The following WDR19 variants were observed in gnomAD, a reference collection of about 807,000 sequenced individuals.
WDR19 encodes the protein WD repeat domain 19, also known as WD repeat-containing protein 19.
A neutral mutation model predicts 180.0 loss-of-function variants in WDR19; 121 were observed. That is an observed-to-expected ratio of 0.67 (90% CI 0.58 to 0.78). WDR19 has a LOEUF of 0.78. WDR19 is among the 30% of genes least tolerant of loss of function. The pLI is 0.00. For synonymous variants in WDR19, 497 were observed against 540.7 expected (o/e 0.92, Z 1.12); for missense variants, 1,450 against 1,640.7 (o/e 0.88, Z 2.01).
chr4:39,200,228 A>G (rs1003426776), intron 6 of WDR19, among the ~76,000 whole-genome samples: 1 of 152,260 alleles, frequency 6.6e-6, no homozygotes, highest in Non-Finnish European at 1.5e-5. Flanking sequence ...GCACTGTGCT[A>G]TATACTATAG....
chr4:39,277,995 A>G (rs1408751232), intron 34 of WDR19, 136 bp from the exon 35 acceptor site: 3 of 699,750 alleles, frequency 4.3e-6, no homozygotes, highest in Non-Finnish European at 4.9e-6. Flanking sequence ...TGGAGGTTGC[A>G]GACAGCCAAC....
At chr4:39,215,246 C>A (rs1728945022) in intron 10 of WDR19, among the ~76,000 whole-genome samples, 1 of 152,000 alleles carries the variant, frequency 6.6e-6, no homozygotes, top group Admixed American at 6.6e-5. Context: ...CAGTCATGAC[C>A]CACATAATGA....
chr4:39,196,878 A>G (rs1436506510), intron 5 of WDR19, among the ~76,000 whole-genome samples: 1 of 152,244 alleles, frequency 6.6e-6, no homozygotes, highest in African/African-American at 2.4e-5. Flanking sequence ...CACACTAGGC[A>G]AACTCCTGCC....
Position 39,280,141 on chromosome 4 carries a change from T to TTTTTTTTTTTTTTTTTTTA in WDR19, c.*13+1478_*13+1479insTTTTTTTTTTTTTTTTTTA, listed in dbSNP as rs368949539. ...CTTGTTTTTTTTTTTTTTTTTTTTT[T>TTTTTTTTTTTTTTTTTTTA]AATAGAGGCAGGGTCTCGCCACATT... On this transcript the variant is annotated intron_variant, in intron 36 of 36. Coordinates refer to ENST00000399820, the MANE Select transcript of WDR19 (RefSeq NM_025132.4). 3.4e-5 allele frequency among the ~76,000 whole-genome samples: 3 copies of TTTTTTTTTTTTTTTTTTTA among 88,392 alleles called. 1 individual carries two copies. Among genetic ancestry groups the TTTTTTTTTTTTTTTTTTTA allele is most frequent in the Non-Finnish European group, 6.5e-5 (3 of 45,884 alleles). 58.0% of individuals were successfully genotyped at this position (88,392 alleles called of 152,430 possible). A position where few individuals can be genotyped will look rare whatever the true frequency, so the allele number is the denominator to read the frequency against.
Position 39,218,014 on chromosome 4 carries a change from A to G in WDR19, c.1388A>G (p.Glu463Gly), listed in dbSNP as rs777393995. The part of the protein sequence containing the change: ...IESEILDAQE[E>G]RETRLFPAVD... Reference sequence around the variant, plus strand: ...AGCGAAATCTTGGATGCTCAAGAAGAACGTGAGACTCGGCTTTTCCCAGCA... The same window carrying G: ...AGCGAAATCTTGGATGCTCAAGAAGGACGTGAGACTCGGCTTTTCCCAGCA... Residue 463 changes from glutamate to glycine, a missense_variant, in exon 14 of 37, where the codon GAA becomes GGA. Glu to Gly is a moderately conservative substitution (Grantham distance 98). Transcript: ENST00000399820. 6.8e-6 allele frequency: 11 copies of G among 1,613,830 alleles called. No homozygotes were observed. The highest frequency in any genetic ancestry group is 1.6e-4 in the Middle Eastern group (1 of 6,084).
At chr4:39,278,770 T>C in intron 36 of WDR19, 107 bp downstream of exon 36, 1 of 549,544 alleles carries the variant, frequency 1.8e-6, no homozygotes, top group Non-Finnish European at 3.2e-6. Context: ...CCATGGAACT[T>C]GCCAGATTTG....
At chr4:39,217,078 G>A (rs1391657329) in intron 12 of WDR19, 56 bp from the exon 13 acceptor site, 4 of 1,206,720 alleles carry the variant, frequency 3.3e-6, no homozygotes, top group Non-Finnish European at 4.7e-6. Context: ...TTTGCAAGTA[G>A]GTATGAGATA....
intron 15 of WDR19, among the ~76,000 whole-genome samples, chr4:39,227,578 A>T (rs182595468): frequency 6.6e-6 from 1 of 152,304 alleles, no homozygotes; most frequent in East Asian, 1.9e-4. Flanking sequence ...ATTATAAGTA[A>T]TCTAGAGATG....
chr4:39,194,851 G>A, intron 5 of WDR19, 192 bp downstream of exon 5: 1 of 552,910 alleles, frequency 1.8e-6, no homozygotes, highest in Non-Finnish European at 3.2e-6. Flanking sequence ...ACTTGCCAGG[G>A]TACATAGAAT....
intron 14 of WDR19, among the ~76,000 whole-genome samples, chr4:39,221,893 T>C (rs887101021): frequency 1.3e-5 from 2 of 152,228 alleles, no homozygotes; most frequent in Non-Finnish European, 2.9e-5. Flanking sequence ...AGTATGTATA[T>C]ATCATAATTT....
chr4:39,269,020 T>TGGAGGTTGCTGGGAGCC (rs1196028257), intron 30 of WDR19, among the ~76,000 whole-genome samples: 29 of 149,588 alleles, frequency 1.9e-4, no homozygotes, highest in African/African-American at 6.4e-4. Flanking sequence ...ACGAGGGGAG[T>TGGAGGTTGCTGGGAGCC]GGAGGTTGCT....
At chr4:39,215,509 G>A (rs1341119624) in intron 10 of WDR19, among the ~76,000 whole-genome samples, 2 of 152,124 alleles carry the variant, frequency 1.3e-5, no homozygotes, top group African/African-American at 2.4e-5. Flanking sequence ...GCCTAGGTAC[G>A]TAGTAGGCTA....
intron 9 of WDR19, chr4:39,205,962 C>CT: frequency 2.3e-6 from 1 of 436,154 alleles, no homozygotes; most frequent in Admixed American, 3.8e-5. Flanking sequence ...ATGGAGTAAG[C>CT]ACACTCCACC....
Position 39,215,946 on chromosome 4 carries a change from C to T in WDR19, c.1067C>T (p.Ala356Val). ...FLTKLPILGD[A>V]CSTRIAYLTS... ...ACCAAGCTTCCCATACTTGGGGATG[C>T]CTGCAGCACAAGGATTGCCTATCTC... The change falls in exon 11 of 37, where the codon GCC becomes GTC. Residue 356 changes from alanine (A) to valine (V), a missense_variant. Physicochemically the swap from Ala to Val is moderately conservative, Grantham distance 64. Transcript: ENST00000399820. 6.2e-7 allele frequency: 1 copy of T among 1,613,522 alleles called. No homozygotes were observed.
At chr4:39,284,409 G>A (rs115227673) in intron 36 of WDR19, among the ~76,000 whole-genome samples, 1,594 of 134,022 alleles carry the variant, frequency 0.012, 15 homozygotes, top group Middle Eastern at 0.024. Flanking sequence ...CACAATCATC[G>A]TTCACTGCAG....
At chr4:39,216,259 T>C in intron 12 of WDR19, 49 bp downstream of exon 12, 2 of 1,447,852 alleles carry the variant, frequency 1.4e-6, no homozygotes, top group Non-Finnish European at 1.8e-6. Context: ...TAATTTCTGT[T>C]CTTATTTGGG....
In WDR19 at chr4:39,281,945, C is replaced by T. The variant is rs1287182335; in HGVS notation, c.*13+3282C>T. 3.3e-5 allele frequency among the ~76,000 whole-genome samples: 5 copies of T among 152,144 alleles called. No individual in the cohort carries two copies. The East Asian group carries it at 9.6e-4, about 29-fold the overall frequency. Reference sequence around the variant, plus strand: ...AGGCAGTTTCCTGACACGTGACCCTCCCCACAACATGAAACTGCTTCAAGT... The same window carrying T: ...AGGCAGTTTCCTGACACGTGACCCTTCCCACAACATGAAACTGCTTCAAGT... On this transcript the variant is annotated intron_variant, in intron 36 of 36. Transcript: ENST00000399820.
chr4:39,183,250 C>CTTTTTTTTTT lies in WDR19; in HGVS notation c.6+698_6+707dup, dbSNP rs113490249. 4.5e-3 allele frequency among the ~76,000 whole-genome samples: 354 copies of CTTTTTTTTTT among 79,234 alleles called. 87 individuals are homozygous for CTTTTTTTTTT. Among genetic ancestry groups the CTTTTTTTTTT allele is most frequent in the African/African-American group, 7.5e-3 (151 of 20,066 alleles). 52.0% of individuals were successfully genotyped at this position (79,234 alleles called of 152,430 possible). A position where few individuals can be genotyped will look rare whatever the true frequency, so the allele number is the denominator to read the frequency against. ...TCTGCTCTGGCAAAGAAATGGAAGGCTTTTTTTTTTTTTTTTTTTTACTGA... is the reference window on the plus strand; with the variant it reads ...TCTGCTCTGGCAAAGAAATGGAAGGCTTTTTTTTTTTTTTTTTTTTTTTTTTTTTTACTGA... On this transcript the variant is annotated intron_variant, in intron 1 of 36. Transcript: ENST00000399820.
chr4:39,193,823 C>T (rs907922383), intron 4 of WDR19, among the ~76,000 whole-genome samples: 1 of 152,108 alleles, frequency 6.6e-6, no homozygotes, highest in African/African-American at 2.4e-5. Flanking sequence ...CAGAGTTGCT[C>T]GGTCAGTATG....
Sources: gnomAD v4.1 joint callset for allele counts (sites outside exome capture counted in the v4.1 genomes callset) on GRCh38, gnomAD v4.1.1 for gene constraint, MANE v1.5 for transcripts, NCBI Gene and HGNC (gene_info 2026-07-23, HGNC 2026-07-21) for gene names.